The following NFYB variants were observed in gnomAD, a reference collection of about 807,000 sequenced individuals.
NFYB encodes the protein CAAT box DNA-binding protein subunit B.
A neutral mutation model predicts 28.0 loss-of-function variants in NFYB; 13 were observed. The ratio of observed to expected loss-of-function variants is 0.46; its 90% CI spans 0.30 to 0.74. The LOEUF (loss-of-function observed/expected upper bound fraction) is 0.74, where lower values mean the gene tolerates loss of function less well. Ranked by LOEUF, NFYB falls within the 30% of genes least tolerant of loss-of-function variation. NFYB has a pLI of 0.07. For synonymous variants in NFYB, 74 were observed against 75.0 expected, an observed-to-expected ratio of 0.99 and a Z score of 0.07; for missense variants, 142 against 247.6, an observed-to-expected ratio of 0.57 and a Z score of 2.86.
At chr12:104,132,176 T>G (rs2030947869) in intron 2 of NFYB, among the ~76,000 whole-genome samples, 1 of 152,198 alleles carries the variant, frequency 6.6e-6, no homozygotes, top group Non-Finnish European at 1.5e-5. Context: ...CTCACTAGTC[T>G]GAGGGGTCAA....
At chr12:104,134,592 A>C (rs1045455367) in intron 2 of NFYB, among the ~76,000 whole-genome samples, 1 of 152,170 alleles carries the variant, frequency 6.6e-6, no homozygotes, top group African/African-American at 2.4e-5. Context: ...ATCTCACCAC[A>C]ACACCAGTTC....
At position 104,128,735 on chromosome 12, in the gene NFYB, C is replaced by T. The variant is rs1481960810; in HGVS notation, c.7-218G>A. ...AGGCTGGAGTGCAGTGGCGTGATCA[C>T]AGCTCACTGCAGAATCCACCTCCCA... is the stretch of plus-strand genomic sequence containing the variant. On this transcript the variant is annotated intron_variant, in intron 2 of 7. Transcript: ENST00000240055. The T allele has an allele frequency of 3.1e-5, 7 of 226,578 alleles. No homozygotes were observed. The East Asian group carries it at 7.2e-4, about 23-fold the overall frequency. 14.0% of individuals were successfully genotyped at this position (226,578 alleles called of 1,614,324 possible).
chr12:104,134,147 G>A (rs912825223), intron 2 of NFYB, among the ~76,000 whole-genome samples: 15 of 151,892 alleles, frequency 9.9e-5, no homozygotes, highest in African/African-American at 3.6e-4. Context: ...CCCCCTAATT[G>A]TTTCACCCAA....
At chr12:104,132,209 C>T (rs2030949162) in intron 2 of NFYB, among the ~76,000 whole-genome samples, 2 of 152,112 alleles carry the variant, frequency 1.3e-5, no homozygotes, top group Non-Finnish European at 2.9e-5. Context: ...TAGGAAATGA[C>T]ATTGAAAATG....
chr12:104,133,389 C>G (rs367730646), intron 2 of NFYB, among the ~76,000 whole-genome samples: 1 of 152,206 alleles, frequency 6.6e-6, no homozygotes. Context: ...ACTGAAAACA[C>G]TGAAATTAGC....
intron 3 of NFYB, among the ~76,000 whole-genome samples, chr12:104,127,110 C>T (rs1432887215): frequency 6.6e-6 from 1 of 152,174 alleles, no homozygotes; most frequent in African/African-American, 2.4e-5. Flanking sequence ...AAACTGCCCA[C>T]TCTTCATATG....
chr12:104,137,645 C>CA (rs1265999562), intron 1 of NFYB: 2 of 149,770 alleles, frequency 1.3e-5, no homozygotes, highest in Non-Finnish European at 3.0e-5. Context: ...TGCGGGCAGA[C>CA]AAAGCGCCGG....
At chr12:104,130,850 C>G (rs1167433481) in intron 2 of NFYB, among the ~76,000 whole-genome samples, 1 of 151,924 alleles carries the variant, frequency 6.6e-6, no homozygotes, top group East Asian at 1.9e-4. Flanking sequence ...TAAGGAAGAT[C>G]AAGGTGCAGG....
At position 104,119,125 on chromosome 12, in the gene NFYB, C is replaced by T. The variant is rs2030370913; in HGVS notation, c.*612G>A. On this transcript the variant is annotated 3_prime_UTR_variant, in exon 8 of 8. Coordinates refer to ENST00000240055, the MANE Select transcript of NFYB (RefSeq NM_006166.4). ...TTAATGGGCACCAAGTTTAACAGGGCAGACAATATTTGCTTCTGCATTCAC... is the reference window on the plus strand; with the variant it reads ...TTAATGGGCACCAAGTTTAACAGGGTAGACAATATTTGCTTCTGCATTCAC... 6.6e-6 allele frequency: 1 copy of T among 152,492 alleles called. No homozygotes were observed. Among genetic ancestry groups the T allele is most frequent in the Non-Finnish European group, 1.5e-5 (1 of 68,024 alleles). 9.4% of individuals were successfully genotyped at this position (152,492 alleles called of 1,614,324 possible).
intron 7 of NFYB, 76 bp from the exon 8 acceptor site, chr12:104,119,845 T>G: frequency 1.1e-6 from 1 of 920,398 alleles, no homozygotes; most frequent in Non-Finnish European, 1.7e-6. Flanking sequence ...TTATAAAAAT[T>G]CAGTGAATAA....
intron 7 of NFYB, 54 bp downstream of exon 7, chr12:104,120,346 G>A: frequency 1.4e-6 from 2 of 1,451,724 alleles, no homozygotes; most frequent in South Asian, 1.2e-5. Flanking sequence ...TGAGCCATGG[G>A]GCCCTGTCGA....
rs116574590 is a variant in NFYB at position 104,129,510 on chromosome 12, G to C, written c.7-993C>G. 7.4e-3 allele frequency among the ~76,000 whole-genome samples: 1,121 copies of C among 152,234 alleles called. 20 individuals are homozygous for C. The South Asian group carries it at 0.074, about 10-fold the overall frequency. ...GATTCTCTGCACAATTCTGTACCCA[G>C]GCAAGCCAAAAGTACACCCATGTTT... is the stretch of plus-strand genomic sequence containing the variant. On this transcript the variant is annotated intron_variant, in intron 2 of 7. Coordinates refer to ENST00000240055, the MANE Select transcript of NFYB (RefSeq NM_006166.4).
intron 4 of NFYB, among the ~76,000 whole-genome samples, chr12:104,125,716 T>C (rs2030675544): frequency 6.7e-6 from 1 of 150,036 alleles, no homozygotes; most frequent in African/African-American, 2.5e-5. Context: ...GGCATGGTGG[T>C]GCACGCCTGT....
chr12:104,135,064 C>T (rs943991996), intron 2 of NFYB, among the ~76,000 whole-genome samples: 5 of 152,208 alleles, frequency 3.3e-5, no homozygotes, highest in Non-Finnish European at 7.3e-5. Context: ...AGTTCAAGGT[C>T]TGCAGGATCC....
intron 6 of NFYB, among the ~76,000 whole-genome samples, chr12:104,120,980 A>G (rs1356613775): frequency 3.3e-5 from 5 of 152,166 alleles, no homozygotes; most frequent in African/African-American, 1.2e-4. Context: ...TAATATTCCT[A>G]TCTCATATGA....
At chr12:104,134,840 A>G (rs1436323366) in intron 2 of NFYB, among the ~76,000 whole-genome samples, 3 of 152,244 alleles carry the variant, frequency 2.0e-5, no homozygotes, top group Admixed American at 6.5e-5. Context: ...AGAAGCTGTA[A>G]CACACCCGAG....
At chr12:104,133,328 C>T (rs1051762547) in intron 2 of NFYB, among the ~76,000 whole-genome samples, 7 of 152,230 alleles carry the variant, frequency 4.6e-5, no homozygotes, top group Non-Finnish European at 7.3e-5. Flanking sequence ...ACAGTCTTTA[C>T]ACCTACTTCT....
intron 2 of NFYB, among the ~76,000 whole-genome samples, chr12:104,133,218 G>A (rs181944795): frequency 6.6e-6 from 1 of 152,324 alleles, no homozygotes; most frequent in East Asian, 1.9e-4. Flanking sequence ...AGGTACATGA[G>A]GCTAATGATT....
At chr12:104,127,424 T>C (rs916071245) in intron 3 of NFYB, among the ~76,000 whole-genome samples, 3 of 151,664 alleles carry the variant, frequency 2.0e-5, no homozygotes, top group Non-Finnish European at 4.4e-5. Context: ...AAAAATTAGC[T>C]GGGCATGGTG....
Sources: allele counts gnomAD v4.1 joint callset (sites outside exome capture counted in the v4.1 genomes callset), GRCh38; gene constraint gnomAD v4.1.1; transcripts MANE v1.5; gene names NCBI Gene and HGNC (gene_info 2026-07-23, HGNC 2026-07-21).